TAF3: variants seen among roughly 807,000 people sequenced by gnomAD.
TAF3 encodes transcription initiation factor TFIID subunit 3.
Under a neutral mutation model 80.6 loss-of-function variants are expected in TAF3, and 7 were observed. The ratio of observed to expected loss-of-function variants is 0.09; its 90% CI spans 0.05 to 0.16. The LOEUF (loss-of-function observed/expected upper bound fraction) is 0.16. Ranked by LOEUF, TAF3 falls within the 10% of genes least tolerant of loss-of-function variation. The pLI is 1.00. For synonymous variants in TAF3, 444 were observed against 446.1 expected (o/e 1.00, Z 0.06); for missense variants, 921 against 1,140.2 (o/e 0.81, Z 2.77).
At chr10:7,872,572 T>G (rs1225847570) in intron 2 of TAF3, among the ~76,000 whole-genome samples, 13 of 152,232 alleles carry the variant, frequency 8.5e-5, no homozygotes. Flanking sequence ...GGTTCTATCT[T>G]GAGAAATAGC....
At chr10:7,941,876 G>A (rs1181435991) in intron 2 of TAF3, among the ~76,000 whole-genome samples, 1 of 152,032 alleles carries the variant, frequency 6.6e-6, no homozygotes, top group Non-Finnish European at 1.5e-5. Context: ...TCTGGCTCTG[G>A]GGTCCTAGTT....
chr10:7,958,004 G>A (rs998270383), intron 2 of TAF3, among the ~76,000 whole-genome samples: 5 of 152,108 alleles, frequency 3.3e-5, no homozygotes, highest in African/African-American at 1.2e-4. Context: ...GGCTTCCACA[G>A]ATTAGTGTAG....
At chr10:7,869,309 G>A (rs941852233) in intron 2 of TAF3, among the ~76,000 whole-genome samples, 1 of 151,388 alleles carries the variant, frequency 6.6e-6, no homozygotes, top group Non-Finnish European at 1.5e-5. Flanking sequence ...GGAGTGTAGA[G>A]ACGCACACAC....
chr10:7,913,652 T>C (rs948729974), intron 2 of TAF3, among the ~76,000 whole-genome samples: 2 of 152,216 alleles, frequency 1.3e-5, no homozygotes, highest in Non-Finnish European at 2.9e-5. Flanking sequence ...AGTCATGCAA[T>C]GTGGTCGCTG....
intron 2 of TAF3, among the ~76,000 whole-genome samples, chr10:7,848,373 A>G (rs1470660235): frequency 4.6e-5 from 7 of 152,226 alleles, no homozygotes; most frequent in Admixed American, 1.3e-4. Context: ...TCCCAATGCC[A>G]TGGTAAAGGA....
Position 7,876,095 on chromosome 10 carries a change from A to G in TAF3, c.409+51535A>G, listed in dbSNP as rs138020759. Among the ~76,000 whole-genome samples the G allele has an allele frequency of 3.5e-3, 537 of 152,172 alleles. 3 individuals are homozygous for G. The highest frequency in any genetic ancestry group is 6.6e-3 in the Non-Finnish European group (451 of 67,980). On this transcript the variant is annotated intron_variant, in intron 2 of 6. Coordinates refer to ENST00000344293, the MANE Select transcript of TAF3 (RefSeq NM_031923.4). ...TTATAATTTATCTTGTCTGTATAAT[A>G]AAGGGAGACGCTTAATGACCAAAAG...
intron 2 of TAF3, among the ~76,000 whole-genome samples, chr10:7,862,287 T>C (rs1459926248): frequency 6.6e-6 from 1 of 152,222 alleles, no homozygotes; most frequent in East Asian, 1.9e-4. Context: ...TTCACATGTC[T>C]AATAATTTTG....
intron 2 of TAF3, among the ~76,000 whole-genome samples, chr10:7,832,884 C>A (rs959439075): frequency 1.3e-5 from 2 of 152,144 alleles, no homozygotes; most frequent in African/African-American, 4.8e-5. Flanking sequence ...ACAGATATTC[C>A]AGTTATACTC....
At chr10:7,994,213 T>G (rs1361643847) in intron 4 of TAF3, among the ~76,000 whole-genome samples, 1 of 152,162 alleles carries the variant, frequency 6.6e-6, no homozygotes, top group Non-Finnish European at 1.5e-5. Flanking sequence ...TGGATAGCTT[T>G]CTTACTTTCT....
At chr10:7,864,796 T>C (rs1837193152) in intron 2 of TAF3, among the ~76,000 whole-genome samples, 1 of 151,046 alleles carries the variant, frequency 6.6e-6, no homozygotes, top group Middle Eastern at 3.4e-3. Flanking sequence ...AAGTAAATGT[T>C]TCAGTTTTAA....
At chr10:7,893,138 A>T (rs1588541587) in intron 2 of TAF3, among the ~76,000 whole-genome samples, 1 of 152,280 alleles carries the variant, frequency 6.6e-6, no homozygotes, top group Admixed American at 6.5e-5. Context: ...TTTTCTTAAA[A>T]TTTATTTTAT....
intron 2 of TAF3, among the ~76,000 whole-genome samples, chr10:7,901,532 G>T (rs1039231492): frequency 6.6e-6 from 1 of 152,224 alleles, no homozygotes; most frequent in Non-Finnish European, 1.5e-5. Flanking sequence ...GTAGAAAACA[G>T]TATTATGTGT....
At chr10:7,870,568 T>C in intron 2 of TAF3, among the ~76,000 whole-genome samples, 1 of 152,230 alleles carries the variant, frequency 6.6e-6, no homozygotes, top group East Asian at 1.9e-4. Context: ...AAACTGTAAC[T>C]GTTAGTGAAA....
rs200509928 is a variant in TAF3, at chr10:7,923,589, AC to A, written c.410-40330del. Among the ~76,000 whole-genome samples, 281 of 142,922 alleles carry A rather than the reference AC, an allele frequency of 2.0e-3. 1 individual carries two copies. The highest frequency in any genetic ancestry group is 5.3e-3 in the African/African-American group (213 of 39,904). 93.8% of individuals were successfully genotyped at this position (142,922 alleles called of 152,430 possible). On this transcript the variant is annotated intron_variant, in intron 2 of 6. Transcript: ENST00000344293. Reference sequence around the variant, plus strand: ...GCTGTATTTGCTGTATAGCAAAAAAACAAAACAAAACAAAACAAAAAAACCC... The same window carrying A: ...GCTGTATTTGCTGTATAGCAAAAAAAAAAACAAAACAAAACAAAAAAACCC...
chr10:7,830,808 ACTCTC>A (rs1836792383), intron 2 of TAF3, among the ~76,000 whole-genome samples: 1 of 149,848 alleles, frequency 6.7e-6, no homozygotes, highest in South Asian at 2.1e-4. Context: ...TTAGTTTGTG[ACTCTC>A]CTTCCATTCC....
chr10:8,000,956 T>C (rs527856631), intron 4 of TAF3, among the ~76,000 whole-genome samples: 1 of 152,354 alleles, frequency 6.6e-6, no homozygotes, highest in South Asian at 2.1e-4. Context: ...GATAGACATA[T>C]CATTTGTGTG....
intron 4 of TAF3, among the ~76,000 whole-genome samples, chr10:7,985,415 C>T (rs936489629): frequency 2.0e-5 from 3 of 152,138 alleles, no homozygotes; most frequent in African/African-American, 4.8e-5. Flanking sequence ...TCATTTTTGT[C>T]CAGCCTTTCA....
At chr10:7,842,151 G>GTTTTTGTTTTT (rs1836921441) in intron 2 of TAF3, among the ~76,000 whole-genome samples, 2 of 98,748 alleles carry the variant, frequency 2.0e-5, no homozygotes, top group African/African-American at 7.5e-5. Flanking sequence ...AATTAATATT[G>GTTTTTGTTTTT]TTTTTTTTTT....
chr10:7,852,432 C>G (rs1165550796), intron 2 of TAF3, among the ~76,000 whole-genome samples: 1 of 152,158 alleles, frequency 6.6e-6, no homozygotes, highest in Non-Finnish European at 1.5e-5. Context: ...GTCTCTTTCC[C>G]TTTTACATTT....
Sources: allele counts gnomAD v4.1 joint callset (sites outside exome capture counted in the v4.1 genomes callset), GRCh38; gene constraint gnomAD v4.1.1; transcripts MANE v1.5; gene names NCBI Gene and HGNC (gene_info 2026-07-23, HGNC 2026-07-21).